Variants in PCLO observed in about 807,000 individuals in gnomAD.
The protein encoded by PCLO is piccolo presynaptic cytomatrix protein.
A neutral mutation model predicts 427.5 loss-of-function variants in PCLO; 82 were observed. The observed-to-expected ratio is 0.19, with a 90% CI of 0.16 to 0.23. PCLO has a LOEUF of 0.23. PCLO is among the 10% of genes least tolerant of loss of function. The probability of loss-of-function intolerance (pLI) is 1.00; values close to 1 mark genes in which losing one functional copy is unlikely to be tolerated. For synonymous variants in PCLO, 2,357 were observed against 2,155.4 expected (o/e 1.09, Z -2.59); for missense variants, 6,239 against 6,115.9 (o/e 1.02, Z -0.67).
chr7:82,939,304 TTAAA>T (rs1795025673), intron 6 of PCLO, among the ~76,000 whole-genome samples: 1 of 152,106 alleles, frequency 6.6e-6, no homozygotes, highest in South Asian at 2.1e-4. Flanking sequence ...TGAAGAATGA[TTAAA>T]TAATTACCTA....
At chr7:82,898,030 T>C (rs1241095634) in intron 9 of PCLO, among the ~76,000 whole-genome samples, 1 of 151,560 alleles carries the variant, frequency 6.6e-6, no homozygotes, top group African/African-American at 2.4e-5. Context: ...TAAATAATAC[T>C]TTATTAAAAA....
chr7:83,085,777 T>C (rs1355404090), intron 3 of PCLO, among the ~76,000 whole-genome samples: 2 of 152,186 alleles, frequency 1.3e-5, no homozygotes, highest in Non-Finnish European at 2.9e-5. Flanking sequence ...TATGCTAATG[T>C]AAATAATAAA....
chr7:82,863,918 CAAA>C (rs972775054), intron 10 of PCLO, among the ~76,000 whole-genome samples: 11 of 151,836 alleles, frequency 7.2e-5, no homozygotes, highest in African/African-American at 2.7e-4. Flanking sequence ...AGGACTCACA[CAAA>C]AAAGTTATTT....
intron 16 of PCLO, among the ~76,000 whole-genome samples, chr7:82,829,511 G>A (rs367868390): frequency 5.3e-5 from 8 of 152,026 alleles, no homozygotes; most frequent in East Asian, 1.9e-4. Context: ...AGCATTCCTC[G>A]CACTTCAACC....
chr7:83,071,940 T>C (rs528898089), intron 3 of PCLO, among the ~76,000 whole-genome samples: 45 of 152,282 alleles, frequency 3.0e-4, no homozygotes, highest in South Asian at 2.9e-3. Context: ...CTATAAAACA[T>C]TGAATATTTT....
intron 8 of PCLO, among the ~76,000 whole-genome samples, chr7:82,906,574 A>G (rs958760372): frequency 3.3e-5 from 5 of 152,088 alleles, no homozygotes; most frequent in African/African-American, 1.2e-4. Flanking sequence ...AGTAGAATCT[A>G]TTTAGAAAAA....
chr7:82,762,953 C>G (rs1393857656), intron 22 of PCLO, among the ~76,000 whole-genome samples: 22 of 151,798 alleles, frequency 1.4e-4, no homozygotes, highest in Non-Finnish European at 2.7e-4. Flanking sequence ...TTCTTTTTTC[C>G]TTTTAGAGAT....
intron 10 of PCLO, among the ~76,000 whole-genome samples, chr7:82,876,469 CACACACACACACACACACAT>C (rs1793373977): frequency 1.3e-5 from 2 of 149,470 alleles, no homozygotes; most frequent in East Asian, 2.1e-4. Context: ...CACACACACA[CACACACACACACACACACAT>C]ACACCACACA....
intron 3 of PCLO, among the ~76,000 whole-genome samples, chr7:83,005,822 T>G (rs548816361): frequency 2.6e-5 from 4 of 151,770 alleles, no homozygotes; most frequent in African/African-American, 9.6e-5. Flanking sequence ...ACTTTCAAAT[T>G]ACCTAGCCAA....
chr7:82,970,383 T>C (rs1795875089), intron 3 of PCLO, among the ~76,000 whole-genome samples: 1 of 151,952 alleles, frequency 6.6e-6, no homozygotes, highest in Non-Finnish European at 1.5e-5. Flanking sequence ...TGTGGTTACC[T>C]ACCTATGTTG....
At chr7:82,918,858 G>C (rs1407127063) in intron 6 of PCLO, among the ~76,000 whole-genome samples, 4 of 151,936 alleles carry the variant, frequency 2.6e-5, no homozygotes, top group East Asian at 3.9e-4. Flanking sequence ...TGAAAAATAT[G>C]ACCAATATTT....
rs185124694 is a variant in PCLO at position 83,080,072 on chromosome 7, T to C, written c.3300+54178A>G. On this transcript the variant is annotated intron_variant, in intron 3 of 24. Transcript: ENST00000333891. Reference sequence around the variant, plus strand: ...GATCTCATTCCTTTTCATGGCTGCATAGTATTCCATGGTGTATATGTAACA... The same window carrying C: ...GATCTCATTCCTTTTCATGGCTGCACAGTATTCCATGGTGTATATGTAACA... 7.2e-5 allele frequency among the ~76,000 whole-genome samples: 11 copies of C among 152,318 alleles called. No homozygotes were observed. The East Asian group carries it at 1.9e-3, about 27-fold the overall frequency.
At chr7:82,972,557 T>C (rs1795929733) in intron 3 of PCLO, among the ~76,000 whole-genome samples, 1 of 152,060 alleles carries the variant, frequency 6.6e-6, no homozygotes, top group South Asian at 2.1e-4. Context: ...ATATTTGTGT[T>C]GGAGAAATCT....
intron 2 of PCLO, among the ~76,000 whole-genome samples, chr7:83,139,249 A>T (rs1791805473): frequency 1.3e-5 from 2 of 152,194 alleles, no homozygotes; most frequent in Non-Finnish European, 2.9e-5. Flanking sequence ...AATATTCTAC[A>T]TATAAAAAAA....
rs1410600706 is a variant in PCLO, at chr7:82,789,695, A to T, written c.15007+11823T>A. ...GCTCCAGCCTGGGCAATAAAGTGAG[A>T]TTCTGTCTCAAAAAAAGAGAGCAAA... On this transcript the variant is annotated intron_variant, in intron 22 of 24. Coordinates refer to ENST00000333891, the MANE Select transcript of PCLO (RefSeq NM_033026.6). Among the ~76,000 whole-genome samples the T allele has an allele frequency of 2.2e-4, 34 of 152,172 alleles. 1 individual carries two copies. The highest frequency in any genetic ancestry group is 2.9e-5 in the Non-Finnish European group (2 of 68,024).
rs1791676787 is a variant in PCLO, at chr7:83,134,852, C to G, written c.2698G>C (p.Glu900Gln). 6.2e-7 allele frequency: 1 copy of G among 1,610,542 alleles called. No individual in the cohort carries two copies. The highest frequency in any genetic ancestry group is 8.5e-7 in the Non-Finnish European group (1 of 1,178,068). Reference sequence around the variant, plus strand: ...TTCAGACTGAAACGCCTTGACTGCTCCTGAGGCTTTGGGGACTGTTGAGGT... The same window carrying G: ...TTCAGACTGAAACGCCTTGACTGCTGCTGAGGCTTTGGGGACTGTTGAGGT... ...PTPQQSPKPQ[E>Q]QSRRFSLNLG... The change falls in exon 3 of 25, where the codon GAG becomes CAG. Residue 900 changes from glutamate to glutamine, a missense_variant. Glu to Gln is a conservative substitution (Grantham distance 29, BLOSUM62 2). Transcript: ENST00000333891.
chr7:82,971,963 T>C (rs919950323), intron 3 of PCLO, among the ~76,000 whole-genome samples: 4 of 151,754 alleles, frequency 2.6e-5, no homozygotes, highest in African/African-American at 9.7e-5. Flanking sequence ...GCAATAAAAG[T>C]TTATGTTTCA....
intron 3 of PCLO, among the ~76,000 whole-genome samples, chr7:82,984,408 C>CTGTGTGTG (rs5885327): frequency 0.023 from 3,081 of 135,886 alleles, 53 homozygotes; most frequent in African/African-American, 0.052. Flanking sequence ...AATGTGGTGT[C>CTGTGTGTG]TGTGTGTGTG....
chr7:83,067,827 T>G (rs1463611133), intron 3 of PCLO, among the ~76,000 whole-genome samples: 1 of 145,342 alleles, frequency 6.9e-6, no homozygotes, highest in Admixed American at 7.0e-5. Context: ...TAAAGATTGA[T>G]ACAACAAATC....
Sources: gnomAD v4.1 joint callset for allele counts (sites outside exome capture counted in the v4.1 genomes callset) on GRCh38, gnomAD v4.1.1 for gene constraint, MANE v1.5 for transcripts, NCBI Gene and HGNC (gene_info 2026-07-23, HGNC 2026-07-21) for gene names.